NKAIN3: variants seen among roughly 807,000 people sequenced by gnomAD.
The protein encoded by NKAIN3 is sodium/potassium transporting ATPase interacting 3, also known as sodium/potassium-transporting ATPase subunit beta-1-interacting protein 3.
Under a neutral mutation model 30.2 loss-of-function variants are expected in NKAIN3, and 25 were observed. The ratio of observed to expected loss-of-function variants is 0.83; its 90% confidence interval spans 0.60 to 1.16. The LOEUF (loss-of-function observed/expected upper bound fraction) is 1.16, where lower values mean the gene tolerates loss of function less well. NKAIN3 is among the 50% of genes most tolerant of loss of function. The pLI is 0.00. For missense variants in NKAIN3, 225 were observed against 254.1 expected (o/e 0.89, Z 0.78); for synonymous variants, 91 against 89.6 (o/e 1.02, Z -0.09).
intron 4 of NKAIN3, among the ~76,000 whole-genome samples, chr8:62,804,333 C>A (rs1818192693): frequency 1.3e-5 from 2 of 152,092 alleles, no homozygotes; most frequent in South Asian, 4.1e-4. Flanking sequence ...CAAAGCCTGG[C>A]AGAGACACAA....
chr8:62,466,097 G>T (rs1349772127), intron 1 of NKAIN3, among the ~76,000 whole-genome samples: 1 of 152,092 alleles, frequency 6.6e-6, no homozygotes, highest in Non-Finnish European at 1.5e-5. Flanking sequence ...TCTAGATTGG[G>T]TGAATCTCAG....
intron 1 of NKAIN3, among the ~76,000 whole-genome samples, chr8:62,368,777 A>G (rs1563367997): frequency 6.6e-6 from 1 of 151,066 alleles, no homozygotes; most frequent in Non-Finnish European, 1.5e-5. Flanking sequence ...TTATCTCAAA[A>G]CTATTATTTA....
chr8:62,447,928 A>G (rs1309248406), intron 1 of NKAIN3, among the ~76,000 whole-genome samples: 2 of 151,984 alleles, frequency 1.3e-5, no homozygotes, highest in African/African-American at 2.4e-5. Flanking sequence ...GAAATCTAAA[A>G]CCTTTATCTG....
intron 5 of NKAIN3, among the ~76,000 whole-genome samples, chr8:62,942,691 C>G (rs1316634407): frequency 6.6e-6 from 1 of 151,970 alleles, no homozygotes; most frequent in Non-Finnish European, 1.5e-5. Flanking sequence ...GCACATAGAC[C>G]AATGGAACAA....
intron 1 of NKAIN3, among the ~76,000 whole-genome samples, chr8:62,456,433 G>T (rs567520011): frequency 6.6e-6 from 1 of 152,060 alleles, no homozygotes; most frequent in South Asian, 2.1e-4. Flanking sequence ...GCAGGAGAAT[G>T]GCGTGAACCT....
intron 3 of NKAIN3, among the ~76,000 whole-genome samples, chr8:62,604,334 G>GA (rs1811061952): frequency 6.6e-6 from 1 of 152,104 alleles, no homozygotes; most frequent in African/African-American, 2.4e-5. Flanking sequence ...ACTTTTGCCT[G>GA]CTTTCTGATT....
chr8:62,739,506 A>G (rs1334430374), intron 3 of NKAIN3, among the ~76,000 whole-genome samples: 1 of 152,116 alleles, frequency 6.6e-6, no homozygotes, highest in Non-Finnish European at 1.5e-5. Flanking sequence ...ATTGCTTCAA[A>G]CTAGAGCCTG....
chr8:62,311,252 G>A (rs1408750646), intron 1 of NKAIN3, among the ~76,000 whole-genome samples: 1 of 150,304 alleles, frequency 6.7e-6, no homozygotes, highest in East Asian at 1.9e-4. Flanking sequence ...TTTTGGTAAG[G>A]AGATAGGCAC....
At chr8:62,925,288 A>G (rs369035384) in intron 5 of NKAIN3, among the ~76,000 whole-genome samples, 42 of 152,312 alleles carry the variant, frequency 2.8e-4, no homozygotes, top group East Asian at 9.7e-4. Flanking sequence ...CAAAATACAT[A>G]GTGGAGAAAA....
At chr8:62,713,720 C>T (rs934606330) in intron 3 of NKAIN3, among the ~76,000 whole-genome samples, 5 of 152,078 alleles carry the variant, frequency 3.3e-5, no homozygotes, top group African/African-American at 1.2e-4. Flanking sequence ...GTAAACATTT[C>T]TATGGTTTAT....
chr8:62,418,496 A>G (rs1028552025), intron 1 of NKAIN3, among the ~76,000 whole-genome samples: 3 of 152,112 alleles, frequency 2.0e-5, no homozygotes, highest in Non-Finnish European at 2.9e-5. Flanking sequence ...TATTGCTCCC[A>G]TGGCTGTAGC....
Position 62,631,417 on chromosome 8 carries a change from C to A in NKAIN3, c.273+41623C>A, listed in dbSNP as rs1178636433. Among the ~76,000 whole-genome samples, 3 of 152,128 alleles carry A rather than the reference C, an allele frequency of 2.0e-5. No individual in the cohort carries two copies. The East Asian group carries it at 5.8e-4, about 29-fold the overall frequency. ...CAGAAACATGAAAAATCTTTCCATA[C>A]CCTCCCTACTGTCTATATCCACAAT... On this transcript the variant is annotated intron_variant, in intron 3 of 6. Transcript: ENST00000623646.
At chr8:62,821,429 G>T (rs569807876) in intron 4 of NKAIN3, among the ~76,000 whole-genome samples, 3 of 152,084 alleles carry the variant, frequency 2.0e-5, no homozygotes, top group East Asian at 3.9e-4. Context: ...TTCTTTTAAG[G>T]TTATGATGTT....
chr8:62,384,505 CA>C (rs1448500825), intron 1 of NKAIN3, among the ~76,000 whole-genome samples: 1 of 151,968 alleles, frequency 6.6e-6, no homozygotes, highest in African/African-American at 2.4e-5. Flanking sequence ...TTAATTTTTT[CA>C]ATATTTCTAG....
chr8:62,532,512 T>A (rs1808519928), intron 1 of NKAIN3, among the ~76,000 whole-genome samples: 1 of 152,190 alleles, frequency 6.6e-6, no homozygotes, highest in African/African-American at 2.4e-5. Flanking sequence ...GAAGCTAATC[T>A]CTTTAAGAAT....
At chr8:62,510,273 C>G (rs1807779106) in intron 1 of NKAIN3, among the ~76,000 whole-genome samples, 1 of 152,166 alleles carries the variant, frequency 6.6e-6, no homozygotes, top group South Asian at 2.1e-4. Context: ...ATAAACGCTA[C>G]CAAACTAGCT....
intron 4 of NKAIN3, among the ~76,000 whole-genome samples, chr8:62,865,895 C>T (rs1483236495): frequency 2.0e-5 from 3 of 152,056 alleles, no homozygotes; most frequent in Non-Finnish European, 4.4e-5. Flanking sequence ...TGCATGTAGC[C>T]GACTTTAACT....
At chr8:62,951,885 C>T (rs564521830) in intron 5 of NKAIN3, among the ~76,000 whole-genome samples, 1 of 152,286 alleles carries the variant, frequency 6.6e-6, no homozygotes, top group Non-Finnish European at 1.5e-5. Context: ...ACTGCAACCT[C>T]CATCTCCCAG....
chr8:62,623,420 A>G (rs188439220), intron 3 of NKAIN3, among the ~76,000 whole-genome samples: 5 of 152,274 alleles, frequency 3.3e-5, no homozygotes, highest in East Asian at 3.9e-4. Context: ...TAATTCCTCT[A>G]TCCCATCCTT....
Sources: allele counts gnomAD v4.1 joint callset (sites outside exome capture counted in the v4.1 genomes callset), GRCh38; gene constraint gnomAD v4.1.1; transcripts MANE v1.5; gene names NCBI Gene and HGNC (gene_info 2026-07-23, HGNC 2026-07-21).